Variants in OPCML observed in about 807,000 individuals in gnomAD.
OPCML encodes the protein opioid-binding protein/cell adhesion molecule.
A neutral mutation model predicts 37.8 loss-of-function variants in OPCML; 13 were observed. That is an observed-to-expected ratio of 0.34 (90% CI 0.22 to 0.55). OPCML has a LOEUF of 0.55. Ranked by LOEUF, OPCML falls within the 20% of genes least tolerant of loss-of-function variation. The probability of loss-of-function intolerance (pLI) is 0.91; values close to 1 mark genes in which losing one functional copy is unlikely to be tolerated. For missense variants in OPCML, 341 were observed against 435.6 expected, an observed-to-expected ratio of 0.78 and a Z score of 1.93; for synonymous variants, 176 against 168.8, an observed-to-expected ratio of 1.04 and a Z score of -0.33.
At chr11:133,449,202 C>G (rs758533172) in intron 1 of OPCML, among the ~76,000 whole-genome samples, 3 of 152,182 alleles carry the variant, frequency 2.0e-5, no homozygotes, top group African/African-American at 7.2e-5. Context: ...GCACTAGGAG[C>G]TGAACCACTA....
chr11:132,428,879 C>T (rs960020175), intron 7 of OPCML, among the ~76,000 whole-genome samples: 2 of 152,242 alleles, frequency 1.3e-5, no homozygotes, highest in Non-Finnish European at 2.9e-5. Context: ...CTTCATTCCT[C>T]AAGCATGGCA....
chr11:132,571,725 A>G (rs891501230), intron 3 of OPCML, among the ~76,000 whole-genome samples: 1 of 152,232 alleles, frequency 6.6e-6, no homozygotes, highest in Non-Finnish European at 1.5e-5. Context: ...TAGTGCTGCA[A>G]TGAACAAGGA....
intron 2 of OPCML, among the ~76,000 whole-genome samples, chr11:132,821,879 G>A (rs1940008893): frequency 1.3e-5 from 2 of 152,076 alleles, no homozygotes; most frequent in South Asian, 4.1e-4. Context: ...AATCTCCCAT[G>A]GCTTCTCTGC....
chr11:133,004,532 T>A, intron 1 of OPCML: 1 of 985,330 alleles, frequency 1.0e-6, no homozygotes, highest in Non-Finnish European at 1.2e-6. Flanking sequence ...GCCTTGGCCA[T>A]GCACCTCTTG....
intron 2 of OPCML, among the ~76,000 whole-genome samples, chr11:132,786,909 T>C (rs969640515): frequency 1.4e-4 from 22 of 152,102 alleles, no homozygotes; most frequent in Non-Finnish European, 1.5e-4. Context: ...GGATGGAGCG[T>C]CTGGAGTGAG....
intron 1 of OPCML, among the ~76,000 whole-genome samples, chr11:133,528,106 C>T (rs753395813): frequency 1.3e-5 from 2 of 152,172 alleles, no homozygotes; most frequent in East Asian, 1.9e-4. Context: ...CAGACAGGAC[C>T]GAGGGAACAT....
At chr11:132,560,973 G>A (rs761866725) in intron 3 of OPCML, among the ~76,000 whole-genome samples, 4 of 152,102 alleles carry the variant, frequency 2.6e-5, no homozygotes, top group Admixed American at 1.3e-4. Flanking sequence ...TGGGTTCTTG[G>A]TCATGAAGAC....
At chr11:132,723,104 C>T (rs955604343) in intron 2 of OPCML, among the ~76,000 whole-genome samples, 2 of 152,092 alleles carry the variant, frequency 1.3e-5, no homozygotes, top group African/African-American at 4.8e-5. Context: ...ATACAAAGTC[C>T]ACTGAAGAAA....
chr11:133,101,740 C>G (rs1949087571), intron 1 of OPCML, among the ~76,000 whole-genome samples: 1 of 152,144 alleles, frequency 6.6e-6, no homozygotes, highest in Non-Finnish European at 1.5e-5. Context: ...GAATTGAAAA[C>G]TTATGCCCAT....
At chr11:132,635,973 C>CG (rs978315343) in intron 3 of OPCML, among the ~76,000 whole-genome samples, 1 of 152,042 alleles carries the variant, frequency 6.6e-6, no homozygotes, top group Non-Finnish European at 1.5e-5. Context: ...TACTCCCCCC[C>CG]GGATACAAGA....
intron 1 of OPCML, chr11:133,418,128 G>T: frequency 3.0e-6 from 3 of 985,362 alleles, no homozygotes; most frequent in Non-Finnish European, 3.6e-6. Context: ...GCGTGAAGTC[G>T]AAGACAGCAG....
intron 1 of OPCML, among the ~76,000 whole-genome samples, chr11:133,413,151 G>A (rs1048113507): frequency 2.0e-5 from 3 of 152,150 alleles, no homozygotes; most frequent in African/African-American, 7.2e-5. Context: ...AAATGAGAGA[G>A]CATGGAGCAT....
intron 1 of OPCML, among the ~76,000 whole-genome samples, chr11:133,343,346 T>C (rs1943920362): frequency 6.6e-6 from 1 of 152,174 alleles, no homozygotes; most frequent in Admixed American, 6.5e-5. Context: ...CATCTTTCCA[T>C]CTACCCATGT....
intron 1 of OPCML, among the ~76,000 whole-genome samples, chr11:133,461,951 A>G (rs1000593715): frequency 2.0e-5 from 3 of 152,022 alleles, no homozygotes; most frequent in Admixed American, 1.3e-4. Flanking sequence ...ACGGAGTAGA[A>G]CAAAGAGCCA....
Position 133,229,111 on chromosome 11 carries a change from G to A in OPCML, c.62-286101C>T, listed in dbSNP as rs561998217. On this transcript the variant is annotated intron_variant, in intron 1 of 7. Transcript: ENST00000524381. ...CCAGGGCATGAAAGGGACAGCAAAGGCCCCCCGGAGAGCCAGCTGGGCCTG... is the reference window on the plus strand; with the variant it reads ...CCAGGGCATGAAAGGGACAGCAAAGACCCCCCGGAGAGCCAGCTGGGCCTG... 1.7e-3 allele frequency among the ~76,000 whole-genome samples: 253 copies of A among 152,164 alleles called. 1 individual carries two copies. The highest frequency in any genetic ancestry group is 5.8e-3 in the African/African-American group (242 of 41,494).
intron 1 of OPCML, among the ~76,000 whole-genome samples, chr11:132,993,325 G>A (rs1392608549): frequency 1.3e-5 from 2 of 152,126 alleles, no homozygotes; most frequent in African/African-American, 2.4e-5. Flanking sequence ...CTCCCAGGGC[G>A]CCCTTTCTGT....
At chr11:132,571,477 G>C (rs2096438294) in intron 3 of OPCML, among the ~76,000 whole-genome samples, 1 of 152,242 alleles carries the variant, frequency 6.6e-6, no homozygotes, top group South Asian at 2.1e-4. Context: ...TGTTTGCTTT[G>C]ATGAATTTGA....
At chr11:133,095,982 C>T (rs1948995944) in intron 1 of OPCML, among the ~76,000 whole-genome samples, 1 of 151,682 alleles carries the variant, frequency 6.6e-6, no homozygotes, top group South Asian at 2.1e-4. Context: ...TAGAAATAAA[C>T]TATATGTCAG....
chr11:133,216,366 GTACC>G (rs1939587302), intron 1 of OPCML, among the ~76,000 whole-genome samples: 1 of 152,168 alleles, frequency 6.6e-6, no homozygotes, highest in Non-Finnish European at 1.5e-5. Context: ...TTGAAAAAAG[GTACC>G]TCTTATGAGC....
Sources: gnomAD v4.1 joint callset for allele counts (sites outside exome capture counted in the v4.1 genomes callset) on GRCh38, gnomAD v4.1.1 for gene constraint, MANE v1.5 for transcripts, NCBI Gene and HGNC (gene_info 2026-07-23, HGNC 2026-07-21) for gene names.